Variants in MYO18A observed in about 807,000 individuals in gnomAD.
MYO18A encodes the protein unconventional myosin-XVIIIa.
Under a neutral mutation model 235.8 loss-of-function variants are expected in MYO18A, and 78 were observed. The ratio of observed to expected loss-of-function variants is 0.33; its 90% CI spans 0.28 to 0.40. The LOEUF is 0.40. Ranked by LOEUF, MYO18A falls within the 10% of genes least tolerant of loss-of-function variation. The pLI, the probability that MYO18A is intolerant of heterozygous loss-of-function variation, is 1.00. For missense variants in MYO18A, 2,215 were observed against 2,699.3 expected (o/e 0.82, Z 3.98); for synonymous variants, 977 against 1,077.8 (o/e 0.91, Z 1.83).
chr17:29,139,299 C>T (rs982203694), intron 2 of MYO18A, among the ~76,000 whole-genome samples: 1 of 152,210 alleles, frequency 6.6e-6, no homozygotes, highest in African/African-American at 2.4e-5. Flanking sequence ...TTGCTGTCTG[C>T]TTGGATATCA....
chr17:29,096,722 C>T (rs2066526729), intron 28 of MYO18A, 39 bp downstream of exon 28: 2 of 1,544,200 alleles, frequency 1.3e-6, no homozygotes, highest in Admixed American at 1.9e-5. Context: ...GTGGCTGCTC[C>T]AGAAGGTTCT....
chr17:29,113,959 G>C (rs988424136), intron 15 of MYO18A, 52 bp downstream of exon 15: 3 of 1,422,842 alleles, frequency 2.1e-6, no homozygotes, highest in East Asian at 5.0e-5. Flanking sequence ...CACGGGGAGA[G>C]GGGTGGGGAA....
Position 29,117,995 on chromosome 17 carries a change from T to G in MYO18A, c.2038+50A>C. 1 of 1,544,524 alleles carries G rather than the reference T, an allele frequency of 6.5e-7. No homozygotes were observed. The highest frequency in any genetic ancestry group is 1.4e-5 in the African/African-American group (1 of 73,210). ...AAACTGGGAGTGGGCAGGGTCCCTG[T>G]GAGGTCACCCAGGGGACAGGCCAGC... is the stretch of plus-strand genomic sequence containing the variant. On this transcript the variant is annotated intron_variant, in intron 10 of 41. Transcript: ENST00000527372. The surrounding 1 kb of genome is among the most constrained non-coding windows in gnomAD (Gnocchi z 4.6).
chr17:29,114,219 G>C (rs767306966), intron 14 of MYO18A, 122 bp from the exon 15 acceptor site: 1 of 690,668 alleles, frequency 1.4e-6, no homozygotes, highest in Non-Finnish European at 2.6e-6. Context: ...CCGTGCAGGA[G>C]CTCCCTCCAT....
At position 29,092,925 on chromosome 17, in the gene MYO18A, G is replaced by C. The variant is rs1403339652; in HGVS notation, c.5003C>G (p.Ala1668Gly). ...CTTCAGGTGGTCCAGCATGAGCTGG[G>C]CATCTGCCAGCAGGGCCTTGGTGCG... is the stretch of plus-strand genomic sequence containing the variant. ...LKRTKALLAD[A>G]QLMLDHLKNS... The change falls in exon 33 of 42, where the codon GCC becomes GGC. Residue 1668 changes from alanine to glycine, a missense_variant. Transcript: ENST00000527372. 1.5e-5 allele frequency: 24 copies of C among 1,613,886 alleles called. No individual in the cohort carries two copies. The highest frequency in any genetic ancestry group is 1.9e-5 in the Non-Finnish European group (23 of 1,179,852).
chr17:29,079,789 C>T (rs2066071474), intron 41 of MYO18A: 2 of 985,964 alleles, frequency 2.0e-6, no homozygotes, highest in Middle Eastern at 5.2e-4. Flanking sequence ...CTCTTTCTTG[C>T]GCTTCTTTTC....
intron 2 of MYO18A, chr17:29,124,640 G>A (rs1310123285): frequency 1.6e-6 from 2 of 1,280,656 alleles, no homozygotes; most frequent in East Asian, 5.6e-5. Context: ...TGAGTGGGGG[G>A]AGAGCACCCT....
rs34624394 is a variant in MYO18A, at chr17:29,092,470, A to AC, written c.5074-15dup. 6.3e-7 allele frequency: 1 copy of AC among 1,591,026 alleles called. No individual in the cohort carries two copies. ...TGACTCCTCCAGCTGGACACAGACC[A>AC]CCCCCGCCCCAGGGAGAGATGTCAG... On this transcript the variant is annotated splice_polypyrimidine_tract_variant and intron_variant, in intron 33 of 41. Coordinates refer to ENST00000527372, the MANE Select transcript of MYO18A (RefSeq NM_078471.4).
At chr17:29,116,740 C>A (rs945127266) in intron 10 of MYO18A, among the ~76,000 whole-genome samples, 4 of 36,112 alleles carry the variant, frequency 1.1e-4, no homozygotes, top group Non-Finnish European at 5.3e-4. Context: ...CCCCCCCCCC[C>A]CCCCCGCCGG....
At chr17:29,083,964 C>A (rs2066186484) in intron 40 of MYO18A, among the ~76,000 whole-genome samples, 1 of 152,238 alleles carries the variant, frequency 6.6e-6, no homozygotes, top group Admixed American at 6.5e-5. Flanking sequence ...TCCCTTAATA[C>A]CGTGCTGTTT....
rs187798645 is a variant in MYO18A at position 29,128,055 on chromosome 17, T to C, written c.1000-5802A>G. On this transcript the variant is annotated intron_variant, in intron 2 of 41. Transcript: ENST00000527372. ...GAGCCTGGCTCCTGGCTGGAGGGCTTCTCCCCCTTCCCAGAAGACTGCTTG... is the reference window on the plus strand; with the variant it reads ...GAGCCTGGCTCCTGGCTGGAGGGCTCCTCCCCCTTCCCAGAAGACTGCTTG... 14 of 1,012,932 alleles carry C rather than the reference T, an allele frequency of 1.4e-5. No homozygotes were observed. In the East Asian group the frequency reaches 1.6e-3, roughly 113 times the overall value. 62.7% of individuals were successfully genotyped at this position (1,012,932 alleles called of 1,614,324 possible). A position where few individuals can be genotyped will look rare whatever the true frequency, so the allele number is the denominator to read the frequency against.
intron 2 of MYO18A, among the ~76,000 whole-genome samples, chr17:29,151,246 A>G (rs977740262): frequency 1.3e-5 from 2 of 152,206 alleles, no homozygotes; most frequent in African/African-American, 4.8e-5. Flanking sequence ...AAAAAATTCC[A>G]GTTAAATGGA....
At chr17:29,142,594 G>T (rs1290938667) in intron 2 of MYO18A, among the ~76,000 whole-genome samples, 1 of 152,196 alleles carries the variant, frequency 6.6e-6, no homozygotes, top group Non-Finnish European at 1.5e-5. Flanking sequence ...GCTGAACCAA[G>T]AACTCTGGAT....
chr17:29,087,726 C>A (rs1432076185), intron 37 of MYO18A, among the ~76,000 whole-genome samples: 1 of 152,148 alleles, frequency 6.6e-6, no homozygotes, highest in South Asian at 2.1e-4. Flanking sequence ...GGTTCTACCT[C>A]GGACTGGTCC....
chr17:29,080,092 G>A, intron 41 of MYO18A: 1 of 985,948 alleles, frequency 1.0e-6, no homozygotes, highest in Non-Finnish European at 1.2e-6. Flanking sequence ...GCCGCTGCGG[G>A]ACCGGGACAC....
In MYO18A at chr17:29,141,067, G is replaced by A. The variant is rs1567627648; in HGVS notation, c.1000-18814C>T. Among the ~76,000 whole-genome samples the A allele has an allele frequency of 2.0e-5, 3 of 152,226 alleles. No homozygotes were observed. The South Asian group carries it at 6.2e-4, about 32-fold the overall frequency. ...TGCCCCACTGCCATCAGCACACAGG[G>A]GACATGCAGAGAATCAATTACACTC... On this transcript the variant is annotated intron_variant, in intron 2 of 41. Coordinates refer to ENST00000527372, the MANE Select transcript of MYO18A (RefSeq NM_078471.4).
At chr17:29,079,926 C>A in intron 41 of MYO18A, 1 of 985,940 alleles carries the variant, frequency 1.0e-6, no homozygotes, top group Non-Finnish European at 1.2e-6. Context: ...AGGACTCAGA[C>A]TCCGTCTCCG....
chr17:29,136,250 A>AAAAAAAAAAATAT (rs1483354837), intron 2 of MYO18A, among the ~76,000 whole-genome samples: 1 of 82,472 alleles, frequency 1.2e-5, no homozygotes, highest in Non-Finnish European at 2.4e-5. Context: ...AAAAAAAAAA[A>AAAAAAAAAAATAT]ATATATATAT....
In MYO18A at chr17:29,110,121, G is replaced by A. The variant is rs2066892920; in HGVS notation, c.3088-20C>T. 3.1e-6 allele frequency: 5 copies of A among 1,601,726 alleles called. No individual in the cohort carries two copies. In the African/African-American group the frequency reaches 4.0e-5, roughly 13 times the overall value. On this transcript the variant is annotated intron_variant, in intron 18 of 41. Transcript: ENST00000527372. ...GGCGTCCTGCCGAGGGGAAGAGACTGCCCTCAGTGGGCTCTGATGGCCTGT... is the reference window on the plus strand; with the variant it reads ...GGCGTCCTGCCGAGGGGAAGAGACTACCCTCAGTGGGCTCTGATGGCCTGT...
Sources: allele counts gnomAD v4.1 joint callset (sites outside exome capture counted in the v4.1 genomes callset), GRCh38; gene constraint gnomAD v4.1.1; non-coding constraint Gnocchi (gnomAD v3.1); transcripts MANE v1.5; gene names NCBI Gene and HGNC (gene_info 2026-07-23, HGNC 2026-07-21).